The following CD96 variants were observed in gnomAD, a reference collection of about 807,000 sequenced individuals.
CD96 encodes the protein T-cell surface protein tactile.
A neutral mutation model predicts 71.3 loss-of-function variants in CD96; 70 were observed. The ratio of observed to expected loss-of-function variants is 0.98; its 90% CI spans 0.81 to 1.20. The LOEUF is 1.20. Ranked by LOEUF, CD96 falls within the 50% of genes most tolerant of loss-of-function variation. CD96 has a pLI of 0.00. For missense variants in CD96, 742 were observed against 677.5 expected, an observed-to-expected ratio of 1.10 and a Z score of -1.06; for synonymous variants, 248 against 233.0, an observed-to-expected ratio of 1.06 and a Z score of -0.59.
At chr3:111,647,302 T>C (rs1939876096) in intron 12 of CD96, among the ~76,000 whole-genome samples, 1 of 152,086 alleles carries the variant, frequency 6.6e-6, no homozygotes, top group Non-Finnish European at 1.5e-5. Context: ...AAAAAGGGTA[T>C]ATATTCATGG....
intron 3 of CD96, among the ~76,000 whole-genome samples, chr3:111,577,345 C>A (rs529204308): frequency 1.9e-4 from 29 of 152,268 alleles, no homozygotes; most frequent in African/African-American, 6.0e-4. Flanking sequence ...GCAGGGGGTA[C>A]CTGCCTTCTT....
intron 10 of CD96, among the ~76,000 whole-genome samples, chr3:111,631,146 G>C (rs1250027413): frequency 6.6e-6 from 1 of 152,060 alleles, no homozygotes. Flanking sequence ...TTCTGGCCAG[G>C]GCAGCCAGGC....
At chr3:111,587,862 C>T (rs932201405) in intron 5 of CD96, among the ~76,000 whole-genome samples, 2 of 152,172 alleles carry the variant, frequency 1.3e-5, no homozygotes, top group African/African-American at 4.8e-5. Context: ...GCTGGAGTGG[C>T]TAGGACACAG....
At chr3:111,597,140 T>C (rs1576368714) in intron 5 of CD96, among the ~76,000 whole-genome samples, 1 of 152,222 alleles carries the variant, frequency 6.6e-6, no homozygotes, top group Non-Finnish European at 1.5e-5. Context: ...TATTCATTAA[T>C]TGTGGAAAAT....
chr3:111,585,280 G>T, intron 4 of CD96, 43 bp from the exon 5 acceptor site: 1 of 1,275,506 alleles, frequency 7.8e-7, no homozygotes, highest in African/African-American at 1.5e-5. Context: ...GGCCAGGTAG[G>T]ATGACATTTG....
At chr3:111,648,183 T>C (rs1939922056) in intron 13 of CD96, among the ~76,000 whole-genome samples, 1 of 152,228 alleles carries the variant, frequency 6.6e-6, no homozygotes, top group African/African-American at 2.4e-5. Flanking sequence ...TTTTGTCTTA[T>C]TGAAATATTT....
chr3:111,657,851 G>A (rs1263692227), intron 14 of CD96, among the ~76,000 whole-genome samples: 1 of 152,122 alleles, frequency 6.6e-6, no homozygotes, highest in Non-Finnish European at 1.5e-5. Context: ...CACATCTGGA[G>A]ACCCATGATG....
At chr3:111,664,469 G>A (rs1940434159) in intron 14 of CD96, among the ~76,000 whole-genome samples, 2 of 152,228 alleles carry the variant, frequency 1.3e-5, no homozygotes, top group South Asian at 4.1e-4. Flanking sequence ...TAGCACATCT[G>A]GACATAAATA....
chr3:111,542,392 A>C, intron 1 of CD96, 83 bp downstream of exon 1: 1 of 1,042,182 alleles, frequency 9.6e-7, no homozygotes, highest in Non-Finnish European at 1.5e-6. Context: ...ATGCCTTGTG[A>C]CTGCTGCTGA....
chr3:111,606,263 T>G (rs914595957), intron 7 of CD96, among the ~76,000 whole-genome samples: 12 of 152,344 alleles, frequency 7.9e-5, no homozygotes, highest in African/African-American at 2.9e-4. Context: ...TTTCTACTCT[T>G]GCTGATATAA....
chr3:111,635,471 T>C (rs905700885), intron 10 of CD96, among the ~76,000 whole-genome samples: 2 of 152,210 alleles, frequency 1.3e-5, no homozygotes, highest in African/African-American at 4.8e-5. Flanking sequence ...TTCATGAAAT[T>C]ACAAAAAGAA....
intron 10 of CD96, among the ~76,000 whole-genome samples, chr3:111,632,706 C>T (rs916532455): frequency 6.6e-6 from 1 of 152,136 alleles, no homozygotes; most frequent in Non-Finnish European, 1.5e-5. Context: ...ATAGCAAAGA[C>T]ATGGAATCAA....
In CD96 at chr3:111,567,544, G is replaced by A; in HGVS notation, c.440G>A (p.Ser147Asn). ...QTHVTADEWN[S>N]NHTIEIEINQ... The stretch of plus-strand genomic sequence containing the variant: ...ACAGTTACAGCAGATGAATGGAACA[G>A]CAACCATACGATAGAAATAGAGATA... Residue 147 changes from serine (S) to asparagine (N), a missense_variant, in exon 3 of 14, where the codon AGC becomes AAC. Transcript: ENST00000352690. 6.2e-7 allele frequency: 1 copy of A among 1,603,964 alleles called. No individual in the cohort carries two copies.
downstream of CD96, among the ~76,000 whole-genome samples, chr3:111,657,045 A>G (rs1443027419): frequency 6.6e-6 from 1 of 151,990 alleles, no homozygotes; most frequent in Non-Finnish European, 1.5e-5. Flanking sequence ...AAAGAAAACT[A>G]TTTGTATTTT....
chr3:111,600,735 T>TATA lies in CD96; in HGVS notation c.908_909insATA (p.Ile303_Thr304insTyr). On this transcript the variant is annotated inframe_insertion, in exon 7 of 14. Transcript: ENST00000352690. ...CGTATCTGTCTGGCAGGAATATATATTACTAATGAAGAGAGAAAAGGCAAA... is the reference window on the plus strand; with the variant it reads ...CGTATCTGTCTGGCAGGAATATATATATATACTAATGAAGAGAGAAAAGGCAAA... The TATA allele has an allele frequency of 6.2e-7, 1 of 1,609,646 alleles. No individual in the cohort carries two copies.
chr3:111,572,472 C>G (rs990216708), intron 3 of CD96, among the ~76,000 whole-genome samples: 13 of 152,208 alleles, frequency 8.5e-5, no homozygotes, highest in African/African-American at 1.7e-4. Flanking sequence ...GCAAAGGACA[C>G]AAATATTCCA....
At chr3:111,562,380 A>AAT (rs1026243974) in intron 2 of CD96, among the ~76,000 whole-genome samples, 7 of 152,004 alleles carry the variant, frequency 4.6e-5, no homozygotes, top group South Asian at 2.1e-4. Flanking sequence ...GACATTAAAA[A>AAT]ATATATATAT....
chr3:111,555,344 T>A (rs1224859320), intron 2 of CD96, among the ~76,000 whole-genome samples: 10 of 152,298 alleles, frequency 6.6e-5, no homozygotes, highest in Admixed American at 6.5e-4. Context: ...ATCCCATGAA[T>A]TGGAGTTACT....
chr3:111,649,467 A>G (rs540917241), intron 13 of CD96, among the ~76,000 whole-genome samples: 126 of 152,370 alleles, frequency 8.3e-4, no homozygotes, highest in African/African-American at 2.6e-3. Context: ...AAAGTAAATA[A>G]TGTTATGATA....
Sources: gnomAD v4.1 joint callset for allele counts (sites outside exome capture counted in the v4.1 genomes callset) on GRCh38, gnomAD v4.1.1 for gene constraint, MANE v1.5 for transcripts, NCBI Gene and HGNC (gene_info 2026-07-23, HGNC 2026-07-21) for gene names.